Variants in RAI14 observed in about 807,000 individuals in gnomAD.
RAI14 encodes retinoic acid induced 14.
In RAI14, 45 loss-of-function variants were observed where a neutral mutation model predicts 115.4. The ratio of observed to expected loss-of-function variants is 0.39; its 90% CI spans 0.31 to 0.50. The LOEUF (loss-of-function observed/expected upper bound fraction) is 0.50. RAI14 is among the 20% of genes least tolerant of loss of function. RAI14 has a pLI of 0.85. For synonymous variants in RAI14, 371 were observed against 415.4 expected (o/e 0.89, Z 1.30); for missense variants, 939 against 1,131.2 (o/e 0.83, Z 2.44).
At chr5:34,673,309 T>C (rs1210754316) in intron 1 of RAI14, among the ~76,000 whole-genome samples, 2 of 152,134 alleles carry the variant, frequency 1.3e-5, no homozygotes, top group Non-Finnish European at 2.9e-5. Context: ...GGTGAGGCTG[T>C]GTGAGGGCAA....
intron 4 of RAI14, among the ~76,000 whole-genome samples, chr5:34,798,694 C>T (rs1193890412): frequency 2.0e-5 from 3 of 152,198 alleles, no homozygotes; most frequent in Non-Finnish European, 4.4e-5. Context: ...TGGTGCAGTG[C>T]TGAGCAGGAA....
intron 3 of RAI14, among the ~76,000 whole-genome samples, chr5:34,765,056 G>A (rs549880597): frequency 6.6e-6 from 1 of 152,074 alleles, no homozygotes; most frequent in African/African-American, 2.4e-5. Context: ...TTTTTCTCTT[G>A]CCGTTGCTAT....
At chr5:34,687,822 C>A in intron 2 of RAI14, 2 of 1,371,582 alleles carry the variant, frequency 1.5e-6, no homozygotes, top group Non-Finnish European at 2.0e-6. Flanking sequence ...TATATTTTGA[C>A]AGCTTGGCAC....
intron 2 of RAI14, among the ~76,000 whole-genome samples, chr5:34,720,221 G>A (rs994128204): frequency 2.6e-5 from 4 of 151,940 alleles, no homozygotes; most frequent in Non-Finnish European, 5.9e-5. Context: ...AAGAAGTTTC[G>A]CAGAAAAAGA....
In RAI14 at chr5:34,787,893, A is replaced by AT. The variant is rs70973012; in HGVS notation, c.168-8006dup. ...GGGTTTCTTAACCTGGATACTACTG[A>AT]TTTTTTTTTTTTTTTTTTTTTTTTT... is the stretch of plus-strand genomic sequence containing the variant. On this transcript the variant is annotated intron_variant, in intron 3 of 17. Coordinates refer to ENST00000265109, the MANE Select transcript of RAI14 (RefSeq NM_015577.3). 2.2e-3 allele frequency among the ~76,000 whole-genome samples: 56 copies of AT among 25,116 alleles called. 26 individuals are homozygous for AT. Among genetic ancestry groups the AT allele is most frequent in the South Asian group, 0.012 (6 of 502 alleles). The allele number at this position is 25,116 out of a possible 152,430, so 16.5% of individuals were successfully genotyped here. A position where few individuals can be genotyped will look rare whatever the true frequency, so the allele number is the denominator to read the frequency against.
chr5:34,822,250 G>GTATGTGTATATATATA (rs1554012471), intron 14 of RAI14, among the ~76,000 whole-genome samples: 2 of 134,740 alleles, frequency 1.5e-5, no homozygotes, highest in African/African-American at 5.6e-5. Context: ...ATGTGTGTAT[G>GTATGTGTATATATATA]TATATATATA....
At chr5:34,717,489 C>G (rs1156453341) in intron 2 of RAI14, among the ~76,000 whole-genome samples, 1 of 152,184 alleles carries the variant, frequency 6.6e-6, no homozygotes, top group African/African-American at 2.4e-5. Context: ...TTAACTTGCC[C>G]ATTTTGGGCG....
chr5:34,692,718 G>C (rs1355193211), intron 2 of RAI14, among the ~76,000 whole-genome samples: 1 of 152,008 alleles, frequency 6.6e-6, no homozygotes, highest in African/African-American at 2.4e-5. Context: ...TCAAATTTGT[G>C]CCGTGCTACG....
At chr5:34,702,482 CG>C (rs1251587006) in intron 2 of RAI14, among the ~76,000 whole-genome samples, 2 of 152,054 alleles carry the variant, frequency 1.3e-5, no homozygotes, top group South Asian at 2.1e-4. Flanking sequence ...CTGTCTCAGG[CG>C]GGGGGCAAGT....
chr5:34,668,126 A>T (rs1743352024), intron 1 of RAI14, among the ~76,000 whole-genome samples: 1 of 151,986 alleles, frequency 6.6e-6, no homozygotes, highest in African/African-American at 2.4e-5. Flanking sequence ...ACAGGGGTGG[A>T]CTCACGCGTA....
rs571732453 is a variant in RAI14 at position 34,751,080 on chromosome 5, A to C, written c.37-6388A>C. 2.0e-5 allele frequency among the ~76,000 whole-genome samples: 3 copies of C among 150,926 alleles called. No homozygotes were observed. In the South Asian group the frequency reaches 6.3e-4, roughly 32 times the overall value. On this transcript the variant is annotated intron_variant, in intron 2 of 17. Coordinates refer to ENST00000265109, the MANE Select transcript of RAI14 (RefSeq NM_015577.3). The stretch of plus-strand genomic sequence containing the variant: ...TGGTCAGGCTGGTCTCGAACTCCCG[A>C]ACTCAGGTGATCCGCCTGCCTTAGC...
intron 1 of RAI14, among the ~76,000 whole-genome samples, chr5:34,681,705 C>T (rs1310207795): frequency 3.3e-5 from 5 of 151,778 alleles, no homozygotes; most frequent in African/African-American, 9.7e-5. Context: ...CGCTCTGGTG[C>T]CCAGGCTGGT....
At chr5:34,719,371 A>G (rs1742382146) in intron 2 of RAI14, among the ~76,000 whole-genome samples, 1 of 152,178 alleles carries the variant, frequency 6.6e-6, no homozygotes, top group South Asian at 2.1e-4. Context: ...ATCATACAGC[A>G]TCGCTTCTGC....
At chr5:34,792,235 CTTTT>C (rs55986330) in intron 3 of RAI14, among the ~76,000 whole-genome samples, 6 of 127,462 alleles carry the variant, frequency 4.7e-5, no homozygotes, top group Non-Finnish European at 3.2e-5. Flanking sequence ...TTTCTTTTTT[CTTTT>C]TTTTTTTTTT....
chr5:34,768,953 C>T (rs548245257), intron 3 of RAI14, among the ~76,000 whole-genome samples: 56 of 151,456 alleles, frequency 3.7e-4, no homozygotes, highest in African/African-American at 1.2e-3. Flanking sequence ...GGTGCCACTG[C>T]ACTCCAGCTT....
At chr5:34,808,468 G>C in intron 6 of RAI14, 116 bp from the exon 7 acceptor site, 2 of 891,992 alleles carry the variant, frequency 2.2e-6, no homozygotes, top group Non-Finnish European at 3.6e-6. Context: ...AATGCAACTA[G>C]AGTGAATATA....
chr5:34,674,933 T>C (rs1403760280), intron 1 of RAI14, among the ~76,000 whole-genome samples: 2 of 151,138 alleles, frequency 1.3e-5, no homozygotes, highest in African/African-American at 4.9e-5. Flanking sequence ...AGTCTCGCTT[T>C]GTCACCAGGC....
intron 3 of RAI14, among the ~76,000 whole-genome samples, chr5:34,774,339 C>G (rs1381813535): frequency 6.6e-6 from 1 of 152,060 alleles, no homozygotes; most frequent in Non-Finnish European, 1.5e-5. Context: ...CCATTGCCCT[C>G]TAGCCTTGGT....
intron 2 of RAI14, among the ~76,000 whole-genome samples, chr5:34,739,261 T>A (rs1421584058): frequency 1.3e-5 from 2 of 152,210 alleles, no homozygotes; most frequent in Admixed American, 1.3e-4. Flanking sequence ...ACTCTTATTA[T>A]CTCGTGTCTT....
Sources: allele counts gnomAD v4.1 joint callset (sites outside exome capture counted in the v4.1 genomes callset), GRCh38; gene constraint gnomAD v4.1.1; transcripts MANE v1.5; gene names NCBI Gene and HGNC (gene_info 2026-07-23, HGNC 2026-07-21).